Variants in NXPE2 observed in about 807,000 individuals in gnomAD.
NXPE2 encodes the protein NXPE family member 2.
Under a neutral mutation model 34.4 loss-of-function variants are expected in NXPE2, and 34 were observed. The ratio of observed to expected loss-of-function variants is 0.99; its 90% CI spans 0.75 to 1.31. The LOEUF (loss-of-function observed/expected upper bound fraction) is 1.31, where lower values mean the gene tolerates loss of function less well. Ranked by LOEUF, NXPE2 falls within the 40% of genes most tolerant of loss-of-function variation. NXPE2 has a pLI of 0.00. For missense variants in NXPE2, 649 were observed against 672.5 expected (o/e 0.97, Z 0.39); for synonymous variants, 235 against 231.3 (o/e 1.02, Z -0.15).
At chr11:114,680,569 T>C (rs2135531225) in intron 2 of NXPE2, among the ~76,000 whole-genome samples, 1 of 152,212 alleles carries the variant, frequency 6.6e-6, no homozygotes, top group East Asian at 1.9e-4. Flanking sequence ...TCTATGCTTG[T>C]ACCTTTTAAT....
At chr11:114,691,083 T>C (rs925699101) in intron 2 of NXPE2, among the ~76,000 whole-genome samples, 5 of 152,164 alleles carry the variant, frequency 3.3e-5, no homozygotes, top group African/African-American at 1.2e-4. Flanking sequence ...TTTCAGATAT[T>C]TCATTCTAGT....
chr11:114,563,355 T>G, the NXPE2 span, among the ~76,000 whole-genome samples: 1 of 152,246 alleles, frequency 6.6e-6, no homozygotes, highest in African/African-American at 2.4e-5. Flanking sequence ...GGGAATTTAC[T>G]TATTGATTCA....
At chr11:114,629,267 C>T in the NXPE2 span, among the ~76,000 whole-genome samples, 2 of 151,894 alleles carry the variant, frequency 1.3e-5, no homozygotes, top group South Asian at 4.2e-4. Context: ...TGCAAAAATC[C>T]TCAATAAAAT....
chr11:114,522,131 T>G, the NXPE2 span: 1 of 1,614,124 alleles, frequency 6.2e-7, no homozygotes, highest in African/African-American at 1.3e-5. Flanking sequence ...AATATAACCA[T>G]GGAAGTCTCC....
the NXPE2 span, among the ~76,000 whole-genome samples, chr11:114,713,338 G>A: frequency 6.6e-6 from 1 of 152,168 alleles, no homozygotes; most frequent in African/African-American, 2.4e-5. Context: ...AAACCCTCAT[G>A]TATGTTCTTT....
At chr11:114,799,341 G>A in the NXPE2 span, among the ~76,000 whole-genome samples, 28 of 151,542 alleles carry the variant, frequency 1.8e-4, no homozygotes, top group African/African-American at 4.6e-4. Context: ...AAGACTGCTG[G>A]GAAAAGATAA....
the NXPE2 span, among the ~76,000 whole-genome samples, chr11:114,720,155 T>C: frequency 1.3e-5 from 2 of 152,332 alleles, no homozygotes; most frequent in South Asian, 2.1e-4. Flanking sequence ...GTTCTGTTTT[T>C]AAGAACCCCT....
chr11:114,652,297 A>G, the NXPE2 span, among the ~76,000 whole-genome samples: 1 of 152,236 alleles, frequency 6.6e-6, no homozygotes, highest in East Asian at 1.9e-4. Context: ...CCCTTAAGGC[A>G]TCCTGTTCCT....
chr11:114,490,974 A>T, the NXPE2 span, among the ~76,000 whole-genome samples: 1 of 150,650 alleles, frequency 6.6e-6, no homozygotes, highest in African/African-American at 2.5e-5. Context: ...CATCCTGGCT[A>T]ACAAGGTGAA....
chr11:114,595,952 T>G, the NXPE2 span, among the ~76,000 whole-genome samples: 1 of 152,146 alleles, frequency 6.6e-6, no homozygotes, highest in African/African-American at 2.4e-5. Context: ...AAATAACTGA[T>G]GAGAAAAAGA....
the NXPE2 span, among the ~76,000 whole-genome samples, chr11:114,484,090 T>C: frequency 1.3e-5 from 2 of 152,182 alleles, no homozygotes; most frequent in Non-Finnish European, 2.9e-5. Context: ...CATGTCTTCC[T>C]GATGACTGAG....
chr11:114,592,808 T>C, the NXPE2 span, among the ~76,000 whole-genome samples: 2 of 152,110 alleles, frequency 1.3e-5, no homozygotes, highest in Admixed American at 6.6e-5. Flanking sequence ...AACAGTGTTA[T>C]ACTGGCATAA....
At chr11:114,487,411 T>C in the NXPE2 span, among the ~76,000 whole-genome samples, 1 of 152,206 alleles carries the variant, frequency 6.6e-6, no homozygotes, top group Non-Finnish European at 1.5e-5. Flanking sequence ...TTTAGGTTTT[T>C]CCAAATACAA....
chr11:114,495,851 C>T, the NXPE2 span, among the ~76,000 whole-genome samples: 1 of 152,076 alleles, frequency 6.6e-6, no homozygotes, highest in East Asian at 1.9e-4. Context: ...TGCCTGGTGC[C>T]CTATCCTACT....
At chr11:114,608,185 G>A in the NXPE2 span, among the ~76,000 whole-genome samples, 4 of 151,872 alleles carry the variant, frequency 2.6e-5, no homozygotes, top group African/African-American at 9.7e-5. Context: ...TTGCCTCGTG[G>A]GTAACCATGG....
At chr11:114,633,177 TATG>T in the NXPE2 span, among the ~76,000 whole-genome samples, 2 of 128,904 alleles carry the variant, frequency 1.6e-5, no homozygotes, top group Admixed American at 1.7e-4. Context: ...ATATAATTTA[TATG>T]ATTATATTTT....
At chr11:114,570,262 G>C in the NXPE2 span, among the ~76,000 whole-genome samples, 1 of 152,122 alleles carries the variant, frequency 6.6e-6, no homozygotes, top group African/African-American at 2.4e-5. Context: ...AAAGTGCTAG[G>C]ATTACAGGTG....
chr11:114,488,328 G>C, the NXPE2 span, among the ~76,000 whole-genome samples: 2 of 152,030 alleles, frequency 1.3e-5, no homozygotes, highest in Non-Finnish European at 2.9e-5. Flanking sequence ...CTTTGCATTT[G>C]TGTAGTTTTG....
the NXPE2 span, among the ~76,000 whole-genome samples, chr11:114,557,038 G>A: frequency 2.0e-5 from 3 of 151,660 alleles, no homozygotes; most frequent in South Asian, 2.1e-4. Context: ...GATTACAGGC[G>A]TGAGCCACCA....
Sources: allele counts gnomAD v4.1 joint callset (sites outside exome capture counted in the v4.1 genomes callset), GRCh38; gene constraint gnomAD v4.1.1; transcripts MANE v1.5; gene names NCBI Gene and HGNC (gene_info 2026-07-23, HGNC 2026-07-21).